EYA1: variants seen among roughly 807,000 people sequenced by gnomAD.
EYA1 encodes the protein protein phosphatase EYA1.
In EYA1, 16 loss-of-function variants were observed where a neutral mutation model predicts 82.0. The ratio of observed to expected loss-of-function variants is 0.20; its 90% CI spans 0.13 to 0.30. The LOEUF (loss-of-function observed/expected upper bound fraction) is 0.30, where lower values mean the gene tolerates loss of function less well. Among genes scored for constraint, EYA1 ranks in the 10% least tolerant of loss-of-function variants. The pLI is 1.00. For synonymous variants in EYA1, 261 were observed against 264.4 expected (o/e 0.99, Z 0.12); for missense variants, 633 against 730.7 (o/e 0.87, Z 1.54).
intron 2 of EYA1, among the ~76,000 whole-genome samples, chr8:71,487,292 TCA>T (rs35095355): frequency 4.6e-4 from 70 of 152,290 alleles, no homozygotes; most frequent in Non-Finnish European, 7.9e-4. Flanking sequence ...ATTCTCAGGC[TCA>T]GTTTCATCTG....
At chr8:71,547,657 A>T (rs1815761542) in intron 1 of EYA1, 1 of 151,682 alleles carries the variant, frequency 6.6e-6, no homozygotes, top group African/African-American at 2.4e-5. Context: ...CAGGGGCATC[A>T]GCAGCCGCGG....
rs1312172047 is a variant in EYA1 at position 71,481,594 on chromosome 8, T to G, written c.33+54150A>C. Among the ~76,000 whole-genome samples, 5 of 152,264 alleles carry G rather than the reference T, an allele frequency of 3.3e-5. No homozygotes were observed. The East Asian group carries it at 7.7e-4, about 24-fold the overall frequency. On this transcript the variant is annotated intron_variant, in intron 2 of 18. Transcript: ENST00000643681. ...GAAAACAAACGAGATTGCTTTTGCT[T>G]TGTGGTATTGATACTTAACTGGGCC... is the stretch of plus-strand genomic sequence containing the variant.
intron 2 of EYA1, among the ~76,000 whole-genome samples, chr8:71,468,552 T>C (rs955033656): frequency 6.6e-6 from 1 of 152,214 alleles, no homozygotes; most frequent in African/African-American, 2.4e-5. Context: ...ATATACACAG[T>C]GCCACTGAAT....
intron 2 of EYA1, among the ~76,000 whole-genome samples, chr8:71,425,297 A>AG (rs1805126278): frequency 6.6e-6 from 1 of 151,618 alleles, no homozygotes; most frequent in Non-Finnish European, 1.5e-5. Flanking sequence ...CAAAGAAAAA[A>AG]AAAAGAAAAT....
At chr8:71,471,988 G>A (rs1039324665) in intron 2 of EYA1, among the ~76,000 whole-genome samples, 3 of 152,168 alleles carry the variant, frequency 2.0e-5, no homozygotes, top group Middle Eastern at 3.4e-3. Context: ...ATCTAGTCAT[G>A]CGAAAGGTGC....
At chr8:71,347,025 C>T (rs1285490613) in intron 3 of EYA1, among the ~76,000 whole-genome samples, 1 of 152,168 alleles carries the variant, frequency 6.6e-6, no homozygotes, top group African/African-American at 2.4e-5. Context: ...AGGTGAAACA[C>T]ACATATAAAT....
chr8:71,356,583 C>A, intron 1 of EYA1, 72 bp from the exon 2 acceptor site: 1 of 1,504,554 alleles, frequency 6.6e-7, no homozygotes, highest in African/African-American at 1.4e-5. Context: ...TTATACAGAG[C>A]ACATGGCTGA....
rs200927050 is a variant in EYA1 at position 71,244,571 on chromosome 8, T to C, written c.1140+32A>G. On this transcript the variant is annotated intron_variant, in intron 12 of 17. Coordinates refer to ENST00000340726, the MANE Select transcript of EYA1 (RefSeq NM_000503.6). ...AAAACCAATCACCTATTTTCAGACA[T>C]GCAAAAATATGTATTAAAAATTAGA... 7.1e-6 allele frequency: 8 copies of C among 1,125,452 alleles called. No homozygotes were observed. In the African/African-American group the frequency reaches 1.2e-4, roughly 17 times the overall value. 69.7% of individuals were successfully genotyped at this position (1,125,452 alleles called of 1,614,324 possible). A position where few individuals can be genotyped will look rare whatever the true frequency, so the allele number is the denominator to read the frequency against.
chr8:71,545,951 T>C (rs1051501657), intron 1 of EYA1, among the ~76,000 whole-genome samples: 4 of 152,208 alleles, frequency 2.6e-5, no homozygotes, highest in Non-Finnish European at 5.9e-5. Flanking sequence ...CTGTGCTCTC[T>C]CTTGATCAAG....
intron 2 of EYA1, among the ~76,000 whole-genome samples, chr8:71,418,711 T>C (rs905328980): frequency 6.6e-6 from 1 of 152,134 alleles, no homozygotes; most frequent in Non-Finnish European, 1.5e-5. Flanking sequence ...TTGTTCTAGG[T>C]GTTGGGGATC....
At chr8:71,544,469 C>T (rs867990495) in intron 1 of EYA1, among the ~76,000 whole-genome samples, 10 of 152,232 alleles carry the variant, frequency 6.6e-5, no homozygotes, top group East Asian at 5.8e-4. Context: ...AGTCCAGCAC[C>T]GGAAAGTTTA....
intron 2 of EYA1, among the ~76,000 whole-genome samples, chr8:71,397,401 T>G (rs192775326): frequency 0.012 from 1,877 of 152,356 alleles, 39 homozygotes; most frequent in African/African-American, 0.04. Context: ...CTTTACAATT[T>G]GGCATGTTTT....
intron 2 of EYA1, among the ~76,000 whole-genome samples, chr8:71,407,237 C>G (rs2129134957): frequency 6.9e-6 from 1 of 145,106 alleles, no homozygotes; most frequent in African/African-American, 2.5e-5. Context: ...TCACCATCAT[C>G]AAAGACCAAA....
intron 1 of EYA1, chr8:71,356,786 T>G: frequency 8.9e-7 from 1 of 1,123,470 alleles, no homozygotes; most frequent in Non-Finnish European, 1.1e-6. Flanking sequence ...CAGCTGCAAA[T>G]GGGATTACCC....
chr8:71,278,181 C>A (rs1336443638), intron 9 of EYA1, among the ~76,000 whole-genome samples: 1 of 151,174 alleles, frequency 6.6e-6, no homozygotes, highest in Non-Finnish European at 1.5e-5. Flanking sequence ...CAACACTTAC[C>A]AAAGCCTCAT....
At chr8:71,326,787 A>C (rs1823199878) in intron 4 of EYA1, among the ~76,000 whole-genome samples, 1 of 152,066 alleles carries the variant, frequency 6.6e-6, no homozygotes, top group Non-Finnish European at 1.5e-5. Flanking sequence ...GTGAACTAAC[A>C]CAGTCATCTT....
rs1810395982 is a variant in EYA1, at chr8:71,484,289, C to G, written c.33+51455G>C. Among the ~76,000 whole-genome samples the G allele has an allele frequency of 3.3e-5, 5 of 152,242 alleles. No homozygotes were observed. The South Asian group carries it at 1.0e-3, about 32-fold the overall frequency. On this transcript the variant is annotated intron_variant, in intron 2 of 18. Transcript: ENST00000643681. ...AACAAGAGAAGCAGAACATTGGGTT[C>G]ACAAAAGTAAAAAGACCAGGTTTAC...
chr8:71,431,967 T>TCC (rs1305893510), intron 2 of EYA1, among the ~76,000 whole-genome samples: 2 of 152,160 alleles, frequency 1.3e-5, no homozygotes, highest in Non-Finnish European at 2.9e-5. Context: ...TATCCCAGGG[T>TCC]CCACATTTCT....
intron 2 of EYA1, among the ~76,000 whole-genome samples, chr8:71,458,320 T>A (rs1043366049): frequency 1.3e-5 from 2 of 152,258 alleles, no homozygotes; most frequent in African/African-American, 4.8e-5. Context: ...GTGTTAAGAA[T>A]TACAGGGGTA....
Sources: allele counts gnomAD v4.1 joint callset (sites outside exome capture counted in the v4.1 genomes callset), GRCh38; gene constraint gnomAD v4.1.1; transcripts MANE v1.5; gene names NCBI Gene and HGNC (gene_info 2026-07-23, HGNC 2026-07-21).